The following PIK3C3 variants were observed in gnomAD, a reference collection of about 807,000 sequenced individuals.
PIK3C3 encodes PI3-kinase type 3.
PIK3C3 carries 95 observed loss-of-function variants against 126.1 expected under a neutral mutation model. The observed-to-expected ratio is 0.75, with a 90% CI of 0.64 to 0.89. The LOEUF (loss-of-function observed/expected upper bound fraction) is 0.89, where lower values mean the gene tolerates loss of function less well. Ranked by LOEUF, PIK3C3 falls within the 40% of genes least tolerant of loss-of-function variation. The pLI, the probability that PIK3C3 is intolerant of heterozygous loss-of-function variation, is 0.00. For missense variants in PIK3C3, 829 were observed against 1,063.2 expected, an observed-to-expected ratio of 0.78 and a Z score of 3.06; for synonymous variants, 374 against 360.0, an observed-to-expected ratio of 1.04 and a Z score of -0.44.
At chr18:42,064,227 C>T (rs1985440876) in intron 22 of PIK3C3, among the ~76,000 whole-genome samples, 1 of 152,064 alleles carries the variant, frequency 6.6e-6, no homozygotes, top group Admixed American at 6.6e-5. Context: ...TTACTTTTAT[C>T]CAGGTCAGTC....
chr18:41,989,471 C>T (rs1981665999), intron 5 of PIK3C3, among the ~76,000 whole-genome samples: 1 of 152,140 alleles, frequency 6.6e-6, no homozygotes, highest in South Asian at 2.1e-4. Context: ...TTAGTATAGT[C>T]ATGTGCCTCA....
At chr18:42,058,122 T>C in intron 22 of PIK3C3, 71 bp downstream of exon 22, 1 of 1,274,164 alleles carries the variant, frequency 7.8e-7, no homozygotes, top group Non-Finnish European at 1.1e-6. Context: ...AGAATTTGTT[T>C]AAATGTATGC....
intron 4 of PIK3C3, among the ~76,000 whole-genome samples, chr18:41,987,066 G>A (rs1981517146): frequency 6.6e-6 from 1 of 152,002 alleles, no homozygotes; most frequent in Non-Finnish European, 1.5e-5. Context: ...ACTATGTAAA[G>A]CTTTGATGTC....
At chr18:41,999,692 A>G (rs1982192290) in intron 9 of PIK3C3, among the ~76,000 whole-genome samples, 1 of 152,214 alleles carries the variant, frequency 6.6e-6, no homozygotes. Flanking sequence ...AGTATAGCAT[A>G]GTAATTGATT....
At position 42,076,129 on chromosome 18, in the gene PIK3C3, T is replaced by C. The variant is rs1292689893; in HGVS notation, c.2650-4994T>C. 3.7e-4 allele frequency among the ~76,000 whole-genome samples: 30 copies of C among 81,690 alleles called. 2 individuals are homozygous for C. The highest frequency in any genetic ancestry group is 2.2e-3 in the African/African-American group (26 of 11,560). The allele number at this position is 81,690 out of a possible 152,430, so 53.6% of individuals were successfully genotyped here. A position where few individuals can be genotyped will look rare whatever the true frequency, so the allele number is the denominator to read the frequency against. ...ATATATATATATATATATGCGCATA[T>C]ATATATATATATATGCGCATATATA... On this transcript the variant is annotated intron_variant, in intron 24 of 24. Coordinates refer to ENST00000262039, the MANE Select transcript of PIK3C3 (RefSeq NM_002647.4).
In PIK3C3 at chr18:42,082,527, C is replaced by T. The variant is rs1986284373; in HGVS notation, c.*1390C>T. The stretch of plus-strand genomic sequence containing the variant: ...TATAAACTAAATGGGCAGGCTCCAT[C>T]GTCTACCTTTCTTTTTCTTTTCTTC... On this transcript the variant is annotated 3_prime_UTR_variant, in exon 25 of 25. Coordinates refer to ENST00000262039, the MANE Select transcript of PIK3C3 (RefSeq NM_002647.4). 1 of 152,156 alleles carries T rather than the reference C, an allele frequency of 6.6e-6. No homozygotes were observed. The highest frequency in any genetic ancestry group is 2.4e-5 in the African/African-American group (1 of 41,450). 9.4% of individuals were successfully genotyped at this position (152,156 alleles called of 1,614,324 possible).
chr18:42,057,212 G>T (rs1476419132), intron 21 of PIK3C3, among the ~76,000 whole-genome samples: 2 of 151,794 alleles, frequency 1.3e-5, no homozygotes, highest in Admixed American at 1.3e-4. Context: ...ATGATAGGTG[G>T]TATATTATTA....
rs1376645450 is a variant in PIK3C3 at position 42,022,912 on chromosome 18, ATATT to A, written c.1484+2210_1484+2213del. Among the ~76,000 whole-genome samples the A allele has an allele frequency of 2.6e-5, 4 of 152,268 alleles. No individual in the cohort carries two copies. The East Asian group carries it at 7.7e-4, about 29-fold the overall frequency. ...TAATGTTCTCTGTGTTCCAATCTGA[ATATT>A]TAAGGATATGTCTTGTCGCCGGTCT... On this transcript the variant is annotated intron_variant, in intron 13 of 24. Transcript: ENST00000262039.
At chr18:41,957,435 C>T (rs775848434) in intron 1 of PIK3C3, 135 bp from the exon 2 acceptor site, 23 of 746,562 alleles carry the variant, frequency 3.1e-5, no homozygotes, top group Non-Finnish European at 4.5e-5. Flanking sequence ...CATACCTTAA[C>T]ACAAAGGTAA....
In PIK3C3 at chr18:42,004,405, C is replaced by T; in HGVS notation, c.1034C>T (p.Ala345Val). ...KCVNWDLPQE[A>V]KQALELLGKW... ...GTTAATTGGGATCTACCTCAAGAGG[C>T]CAAACAGGCCTTGGAACTTCTGGGA... The change falls in exon 10 of 25, where the codon GCC (alanine) becomes GTC (valine). Residue 345 changes from alanine to valine, a missense_variant. By Grantham distance (64) the Ala-to-Val change is moderately conservative (BLOSUM62 0). Transcript: ENST00000262039. 6.2e-7 allele frequency: 1 copy of T among 1,613,462 alleles called. No homozygotes were observed. The highest frequency in any genetic ancestry group is 1.1e-5 in the South Asian group (1 of 90,982).
At chr18:42,026,760 C>T (rs1019796041) in intron 13 of PIK3C3, 8 of 152,110 alleles carry the variant, frequency 5.3e-5, no homozygotes, top group African/African-American at 1.9e-4. Context: ...GGTTTGTTCC[C>T]AGTGGAACAT....
chr18:42,052,390 T>C (rs1227083423), intron 21 of PIK3C3, among the ~76,000 whole-genome samples: 2 of 152,194 alleles, frequency 1.3e-5, no homozygotes, highest in Non-Finnish European at 2.9e-5. Context: ...ATAAGTAAGA[T>C]GCACATTTTT....
intron 2 of PIK3C3, among the ~76,000 whole-genome samples, chr18:41,958,781 T>C (rs1353374653): frequency 2.0e-5 from 3 of 152,030 alleles, no homozygotes; most frequent in Non-Finnish European, 2.9e-5. Context: ...TATATATATA[T>C]ACTTAATACT....
chr18:41,985,681 A>G (rs1350759123), intron 4 of PIK3C3, among the ~76,000 whole-genome samples: 2 of 152,124 alleles, frequency 1.3e-5, no homozygotes, highest in African/African-American at 2.4e-5. Context: ...TCTCTAGTAT[A>G]ATTTAAACTT....
At chr18:42,007,922 T>C (rs2144391167) in intron 10 of PIK3C3, among the ~76,000 whole-genome samples, 1 of 152,324 alleles carries the variant, frequency 6.6e-6, no homozygotes, top group African/African-American at 2.4e-5. Flanking sequence ...CTTACTGGTT[T>C]CAGTCAAATG....
chr18:42,019,383 A>G (rs1983220124), intron 12 of PIK3C3, among the ~76,000 whole-genome samples: 1 of 152,116 alleles, frequency 6.6e-6, no homozygotes, highest in East Asian at 1.9e-4. Flanking sequence ...TTTAGTCCAT[A>G]TCATTCTGGC....
intron 6 of PIK3C3, among the ~76,000 whole-genome samples, chr18:41,991,937 GTCATT>G (rs1236885410): frequency 1.3e-5 from 2 of 152,080 alleles, no homozygotes; most frequent in African/African-American, 4.8e-5. Flanking sequence ...TAAACTATAT[GTCATT>G]TCATTAAAGG....
intron 22 of PIK3C3, among the ~76,000 whole-genome samples, chr18:42,062,682 G>A (rs1049815788): frequency 6.6e-6 from 1 of 151,560 alleles, no homozygotes; most frequent in African/African-American, 2.4e-5. Flanking sequence ...TAGTGCTGAT[G>A]ACTTTAAACT....
At chr18:42,016,343 C>G (rs1983073565) in intron 12 of PIK3C3, among the ~76,000 whole-genome samples, 1 of 152,132 alleles carries the variant, frequency 6.6e-6, no homozygotes, top group African/African-American at 2.4e-5. Context: ...ATCATAGAAT[C>G]CTTAGATAAG....
Sources: gnomAD v4.1 joint callset for allele counts (sites outside exome capture counted in the v4.1 genomes callset) on GRCh38, gnomAD v4.1.1 for gene constraint, MANE v1.5 for transcripts, NCBI Gene and HGNC (gene_info 2026-07-23, HGNC 2026-07-21) for gene names.